CCDC85A: variants seen among roughly 807,000 people sequenced by gnomAD.
CCDC85A encodes the protein coiled-coil domain-containing protein 85A.
Under a neutral mutation model 50.2 loss-of-function variants are expected in CCDC85A, and 38 were observed. The ratio of observed to expected loss-of-function variants is 0.76; its 90% CI spans 0.58 to 0.99. The LOEUF is 0.99. Among genes scored for constraint, CCDC85A ranks in the 50% least tolerant of loss-of-function variants. The pLI, the probability that CCDC85A is intolerant of heterozygous loss-of-function variation, is 0.00. For missense variants in CCDC85A, 820 were observed against 742.0 expected (o/e 1.11, Z -1.22); for synonymous variants, 366 against 301.4 (o/e 1.21, Z -2.22).
chr2:56,216,345 G>A (rs182019714), intron 2 of CCDC85A, among the ~76,000 whole-genome samples: 2 of 151,544 alleles, frequency 1.3e-5, no homozygotes, highest in African/African-American at 4.8e-5. Flanking sequence ...TGTGGCTGAA[G>A]CTCCTTATTG....
intron 2 of CCDC85A, among the ~76,000 whole-genome samples, chr2:56,330,771 G>A (rs771239603): frequency 9.9e-5 from 15 of 152,096 alleles, no homozygotes; most frequent in African/African-American, 3.1e-4. Flanking sequence ...TGTACTGTTC[G>A]TGGGAATGTA....
chr2:56,242,121 A>T (rs1426702266), intron 2 of CCDC85A, among the ~76,000 whole-genome samples: 21 of 152,118 alleles, frequency 1.4e-4, no homozygotes. Context: ...TTCCAATTGT[A>T]TGTTTTCTTT....
At chr2:56,186,707 G>A (rs756765984) in intron 1 of CCDC85A, among the ~76,000 whole-genome samples, 1 of 152,182 alleles carries the variant, frequency 6.6e-6, no homozygotes, top group Admixed American at 6.5e-5. Flanking sequence ...GTTCCTTTAG[G>A]TTATGTGGAT....
chr2:56,334,267 C>T (rs747619240), intron 2 of CCDC85A, among the ~76,000 whole-genome samples: 1 of 152,178 alleles, frequency 6.6e-6, no homozygotes, highest in Non-Finnish European at 1.5e-5. Context: ...GCTACTGTAT[C>T]CCCGGGACCT....
At chr2:56,297,557 A>G (rs1672011485) in intron 2 of CCDC85A, among the ~76,000 whole-genome samples, 1 of 152,180 alleles carries the variant, frequency 6.6e-6, no homozygotes, top group Admixed American at 6.6e-5. Flanking sequence ...ATGATGCTGT[A>G]TTTCAAGTGG....
intron 2 of CCDC85A, among the ~76,000 whole-genome samples, chr2:56,286,612 A>T (rs1447027729): frequency 6.6e-6 from 1 of 152,136 alleles, no homozygotes; most frequent in Non-Finnish European, 1.5e-5. Context: ...GTTCATTTAT[A>T]TGTCCATATT....
intron 2 of CCDC85A, among the ~76,000 whole-genome samples, chr2:56,311,454 G>A (rs1672686791): frequency 1.3e-5 from 2 of 150,804 alleles, no homozygotes; most frequent in South Asian, 4.2e-4. Flanking sequence ...TCTGTTCATC[G>A]TTGTTTTTTT....
At chr2:56,372,565 A>G in intron 4 of CCDC85A, 87 bp downstream of exon 4, 3 of 1,346,010 alleles carry the variant, frequency 2.2e-6, no homozygotes, top group East Asian at 2.8e-5. Context: ...ACTGGGGGGT[A>G]GAAAACAAGT....
At chr2:56,364,186 C>T (rs937558244) in intron 3 of CCDC85A, among the ~76,000 whole-genome samples, 7 of 152,028 alleles carry the variant, frequency 4.6e-5, no homozygotes, top group African/African-American at 2.4e-5. Flanking sequence ...CTTTATCTGC[C>T]GTCACTCTGG....
At chr2:56,212,776 T>A (rs955782165) in intron 2 of CCDC85A, among the ~76,000 whole-genome samples, 2 of 151,942 alleles carry the variant, frequency 1.3e-5, no homozygotes, top group African/African-American at 4.8e-5. Context: ...GAGAGAGACA[T>A]GAGCTTTGGA....
intron 2 of CCDC85A, among the ~76,000 whole-genome samples, chr2:56,282,404 A>C (rs1312372896): frequency 2.6e-5 from 4 of 152,234 alleles, no homozygotes; most frequent in Non-Finnish European, 5.9e-5. Context: ...AGTATATATT[A>C]AAGTAATTGT....
intron 3 of CCDC85A, 73 bp downstream of exon 3, chr2:56,343,028 C>G: frequency 9.7e-7 from 1 of 1,035,508 alleles, no homozygotes; most frequent in Non-Finnish European, 1.4e-6. Context: ...AATTTAAAAG[C>G]TCAATGACGT....
intron 2 of CCDC85A, among the ~76,000 whole-genome samples, chr2:56,216,565 T>C (rs1677402365): frequency 6.6e-6 from 1 of 151,804 alleles, no homozygotes; most frequent in South Asian, 2.1e-4. Context: ...GTTTGTTGTC[T>C]TTTTTTCCTT....
chr2:56,185,265 T>A (rs944289116), intron 1 of CCDC85A, among the ~76,000 whole-genome samples: 1 of 151,820 alleles, frequency 6.6e-6, no homozygotes, highest in Non-Finnish European at 1.5e-5. Flanking sequence ...AGTGAGGGGG[T>A]GAATCCAGGG....
At chr2:56,231,977 T>C (rs1668793308) in intron 2 of CCDC85A, among the ~76,000 whole-genome samples, 1 of 152,152 alleles carries the variant, frequency 6.6e-6, no homozygotes, top group African/African-American at 2.4e-5. Flanking sequence ...CATGATGTCA[T>C]GCTTCATTTG....
intron 2 of CCDC85A, among the ~76,000 whole-genome samples, chr2:56,231,472 C>A (rs920595958): frequency 6.6e-6 from 1 of 152,254 alleles, no homozygotes; most frequent in East Asian, 1.9e-4. Flanking sequence ...GGAAAAGAGA[C>A]ACATTCTTAA....
rs772657312 is a variant in CCDC85A, at chr2:56,197,742, G to A, written c.1240+4302G>A. On this transcript the variant is annotated intron_variant, in intron 2 of 5. Coordinates refer to ENST00000407595, the MANE Select transcript of CCDC85A (RefSeq NM_001080433.2). ...GGAAGGACTGATCCCAGCTGTTACC[G>A]TAAAACTTCACTCCATTCTAGACTA... Among the ~76,000 whole-genome samples, 13 of 152,140 alleles carry A rather than the reference G, an allele frequency of 8.5e-5. 1 individual carries two copies. The highest frequency in any genetic ancestry group is 4.1e-4 in the South Asian group (2 of 4,828).
At chr2:56,232,340 A>T (rs1668808959) in intron 2 of CCDC85A, among the ~76,000 whole-genome samples, 1 of 152,148 alleles carries the variant, frequency 6.6e-6, no homozygotes, top group Non-Finnish European at 1.5e-5. Context: ...CAATTGTTCA[A>T]ACCAAATATC....
At chr2:56,254,586 G>A (rs944130977) in intron 2 of CCDC85A, among the ~76,000 whole-genome samples, 3 of 152,162 alleles carry the variant, frequency 2.0e-5, no homozygotes, top group African/African-American at 7.2e-5. Flanking sequence ...TCTAGACTGG[G>A]TTTTAATGGT....
Sources: allele counts gnomAD v4.1 joint callset (sites outside exome capture counted in the v4.1 genomes callset), GRCh38; gene constraint gnomAD v4.1.1; transcripts MANE v1.5; gene names NCBI Gene and HGNC (gene_info 2026-07-23, HGNC 2026-07-21).